Variants in BMP8B observed in about 807,000 individuals in gnomAD.
BMP8B encodes the protein bone morphogenetic protein 8 (osteogenic protein 2).
BMP8B carries 17 observed loss-of-function variants against 30.3 expected under a neutral mutation model. That is an observed-to-expected ratio of 0.56 (90% CI 0.38 to 0.84). The LOEUF (loss-of-function observed/expected upper bound fraction) is 0.84, where lower values mean the gene tolerates loss of function less well. Ranked by LOEUF, BMP8B falls within the 40% of genes least tolerant of loss-of-function variation. The probability of loss-of-function intolerance (pLI) is 0.00; values close to 1 mark genes in which losing one functional copy is unlikely to be tolerated. For synonymous variants in BMP8B, 131 were observed against 214.7 expected, an observed-to-expected ratio of 0.61 and a Z score of 3.41; for missense variants, 253 against 494.6, an observed-to-expected ratio of 0.51 and a Z score of 4.63.
chr1:39,768,662 G>A lies in BMP8B; in HGVS notation c.674-3845C>T, dbSNP rs1649755082. ...AGGCCCAGAGTTTGAGACCAGCCTG[G>A]CCAATATGGAGAAACCCTATCTCTA... is the stretch of plus-strand genomic sequence containing the variant. On this transcript the variant is annotated intron_variant, in intron 3 of 6. Coordinates refer to ENST00000372827, the MANE Select transcript of BMP8B (RefSeq NM_001720.5). Among the ~76,000 whole-genome samples the A allele has an allele frequency of 2.0e-5, 3 of 149,236 alleles. 1 individual carries two copies. In the South Asian group the frequency reaches 6.5e-4, roughly 32 times the overall value.
At chr1:39,786,875 G>T (rs576171726) in intron 1 of BMP8B, among the ~76,000 whole-genome samples, 1 of 152,372 alleles carries the variant, frequency 6.6e-6, no homozygotes, top group African/African-American at 2.4e-5. Context: ...GGGAAGCAGA[G>T]GCTTGGCCAT....
In BMP8B at chr1:39,770,382, C is replaced by T. The variant is rs759552796; in HGVS notation, c.673+3926G>A. On this transcript the variant is annotated intron_variant, in intron 3 of 6. Coordinates refer to ENST00000372827, the MANE Select transcript of BMP8B (RefSeq NM_001720.5). ...GTCCTGGCGTCCTCTTCCTTTCCAG[C>T]GTCTCCATCTTCCTCTTTCAGGATC... 2.5e-6 allele frequency: 4 copies of T among 1,598,882 alleles called. No homozygotes were observed. The highest frequency in any genetic ancestry group is 3.4e-5 in the Admixed American group (2 of 59,306).
At chr1:39,778,603 A>G (rs1650399447) in intron 1 of BMP8B, among the ~76,000 whole-genome samples, 1 of 152,032 alleles carries the variant, frequency 6.6e-6, no homozygotes, top group African/African-American at 2.4e-5. Flanking sequence ...GGCTGTTTCC[A>G]TAAATGGTGC....
rs1648775623 is a variant in BMP8B at position 39,760,405 on chromosome 1, C to T, written c.*14G>A. On this transcript the variant is annotated 3_prime_UTR_variant, in exon 7 of 7. Coordinates refer to ENST00000372827, the MANE Select transcript of BMP8B (RefSeq NM_001720.5). Reference sequence around the variant, plus strand: ...GATGAGAAGGGTGGCTGCAGCTGGGCCGGGCGGGTGGACTCAGTGGCAGCC... The same window carrying T: ...GATGAGAAGGGTGGCTGCAGCTGGGTCGGGCGGGTGGACTCAGTGGCAGCC... The T allele has an allele frequency of 1.2e-6, 2 of 1,613,054 alleles. No homozygotes were observed. Among genetic ancestry groups the T allele is most frequent in the Non-Finnish European group, 8.5e-7 (1 of 1,179,958 alleles).
intron 6 of BMP8B, 113 bp downstream of exon 6, chr1:39,762,973 ACAAAGC>A: frequency 7.8e-7 from 1 of 1,289,352 alleles, no homozygotes; most frequent in Middle Eastern, 1.9e-4. Flanking sequence ...GACTGTGCAG[ACAAAGC>A]CCCCTGAGAC....
intron 4 of BMP8B, among the ~76,000 whole-genome samples, chr1:39,764,095 T>C (rs1203073602): frequency 7.5e-4 from 114 of 151,138 alleles, no homozygotes; most frequent in African/African-American, 2.7e-3. Flanking sequence ...CTGTGCCTCC[T>C]CCTCTCTGGA....
At chr1:39,771,291 G>A in intron 3 of BMP8B, 1 of 1,456,252 alleles carries the variant, frequency 6.9e-7, no homozygotes, top group South Asian at 1.5e-5. Context: ...CAGGTGGTGT[G>A]AGCCCTGCGT....
At chr1:39,778,730 G>A (rs1203518716) in intron 1 of BMP8B, among the ~76,000 whole-genome samples, 1 of 152,238 alleles carries the variant, frequency 6.6e-6, no homozygotes, top group East Asian at 1.9e-4. Context: ...CCCAGGAGAT[G>A]TAAGCAAGAA....
chr1:39,771,384 G>GC (rs1649971162), intron 3 of BMP8B: 1 of 856,126 alleles, frequency 1.2e-6, no homozygotes, highest in Non-Finnish European at 1.6e-6. Flanking sequence ...CCGGCCAGGC[G>GC]CAGGCTCTAG....
At chr1:39,762,266 T>C (rs1649097836) in intron 6 of BMP8B, 1 of 415,334 alleles carries the variant, frequency 2.4e-6, no homozygotes, top group Non-Finnish European at 4.3e-6. Flanking sequence ...AGGGTTTTGC[T>C]GTGTTGCCCA....
Position 39,769,455 on chromosome 1 carries a change from C to T in BMP8B, c.674-4638G>A, listed in dbSNP as rs557867919. 55 of 435,142 alleles carry T rather than the reference C, an allele frequency of 1.3e-4. 1 individual carries two copies. The East Asian group carries it at 1.4e-3, about 11-fold the overall frequency. 27.0% of individuals were successfully genotyped at this position (435,142 alleles called of 1,614,324 possible). A position where few individuals can be genotyped will look rare whatever the true frequency, so the allele number is the denominator to read the frequency against. ...TCTGTGTAAACATCACAGAGCAAAG[C>T]GGACATCCATTCCTCACCACTGCAG... On this transcript the variant is annotated intron_variant, in intron 3 of 6. Transcript: ENST00000372827.
At chr1:39,775,916 G>A (rs1650193005) in intron 1 of BMP8B, among the ~76,000 whole-genome samples, 1 of 152,236 alleles carries the variant, frequency 6.6e-6, no homozygotes, top group South Asian at 2.1e-4. Context: ...GGTCTTGGTA[G>A]GTGGAGAAGG....
chr1:39,760,740 A>C (rs1648844444), intron 6 of BMP8B, among the ~76,000 whole-genome samples, 172 bp from the exon 7 acceptor site: 1 of 151,872 alleles, frequency 6.6e-6, no homozygotes, highest in Non-Finnish European at 1.5e-5. Context: ...TCAAGGCTCC[A>C]GGAGTGGGAG....
At chr1:39,775,840 G>A (rs1379336338) in intron 1 of BMP8B, among the ~76,000 whole-genome samples, 4 of 152,176 alleles carry the variant, frequency 2.6e-5, no homozygotes, top group Admixed American at 6.5e-5. Flanking sequence ...TGGGGAAGTC[G>A]GAGGGTCTCA....
At chr1:39,775,940 G>A (rs1043189698) in intron 1 of BMP8B, among the ~76,000 whole-genome samples, 1 of 152,282 alleles carries the variant, frequency 6.6e-6, no homozygotes, top group Non-Finnish European at 1.5e-5. Flanking sequence ...CAGGGAGGGT[G>A]CTCTAGGGAG....
intron 3 of BMP8B, among the ~76,000 whole-genome samples, chr1:39,766,693 G>A (rs1369538700): frequency 2.8e-5 from 4 of 143,314 alleles, no homozygotes; most frequent in Admixed American, 2.8e-4. Context: ...GAGACAGGGA[G>A]GCTGTGAGCT....
rs1032525795 is a variant in BMP8B at position 39,769,250 on chromosome 1, C to G, written c.674-4433G>C. Among the ~76,000 whole-genome samples, 22 of 151,010 alleles carry G rather than the reference C, an allele frequency of 1.5e-4. 2 individuals are homozygous for G. The highest frequency in any genetic ancestry group is 5.4e-4 in the African/African-American group (22 of 41,078). On this transcript the variant is annotated intron_variant, in intron 3 of 6. Coordinates refer to ENST00000372827, the MANE Select transcript of BMP8B (RefSeq NM_001720.5). ...CAAGCTCGTGAAGATAGCATGTCTT[C>G]CAATCACAAACTCACATCTTTGCTC...
chr1:39,772,808 C>T (rs377005342), intron 3 of BMP8B, among the ~76,000 whole-genome samples: 9,173 of 149,868 alleles, frequency 0.061, 309 homozygotes, highest in Middle Eastern at 0.16. Context: ...GGCCCCCACA[C>T]GTCTCTCTGA....
chr1:39,768,975 C>T (rs138354367), intron 3 of BMP8B, among the ~76,000 whole-genome samples: 158 of 149,938 alleles, frequency 1.1e-3, no homozygotes, highest in Non-Finnish European at 1.5e-3. Flanking sequence ...GCTCAAGTGT[C>T]CAAGACCAGC....
Sources: allele counts gnomAD v4.1 joint callset (sites outside exome capture counted in the v4.1 genomes callset), GRCh38; gene constraint gnomAD v4.1.1; transcripts MANE v1.5; gene names NCBI Gene and HGNC (gene_info 2026-07-23, HGNC 2026-07-21).